The following CFAP161 variants were observed in gnomAD, a reference collection of about 807,000 sequenced individuals.
CFAP161 encodes cilia and flagella associated protein 161.
CFAP161 carries 25 observed loss-of-function variants against 29.0 expected under a neutral mutation model. The observed-to-expected ratio is 0.86, with a 90% confidence interval of 0.63 to 1.20. CFAP161 has a LOEUF of 1.20. Ranked by LOEUF, CFAP161 falls within the 50% of genes most tolerant of loss-of-function variation. The pLI is 0.00. For synonymous variants in CFAP161, 116 were observed against 137.4 expected, an observed-to-expected ratio of 0.84 and a Z score of 1.09; for missense variants, 367 against 371.9, an observed-to-expected ratio of 0.99 and a Z score of 0.11.
intron 1 of CFAP161, among the ~76,000 whole-genome samples, chr15:81,102,307 A>T (rs1214292907): frequency 6.6e-6 from 1 of 152,302 alleles, no homozygotes. Flanking sequence ...GTTCCAGCAC[A>T]AGACCTTTTG....
chr15:81,139,746 C>A (rs1045019234), intron 4 of CFAP161, among the ~76,000 whole-genome samples: 1 of 152,098 alleles, frequency 6.6e-6, no homozygotes, highest in Middle Eastern at 3.4e-3. Context: ...GGAATTCTAC[C>A]TTTAGGATAG....
chr15:81,124,458 T>C (rs888040919), intron 1 of CFAP161, among the ~76,000 whole-genome samples: 2 of 130,808 alleles, frequency 1.5e-5, no homozygotes, highest in African/African-American at 5.4e-5. Flanking sequence ...CCAAGGATAC[T>C]GGCATGAAGT....
At chr15:81,130,879 G>A (rs1894702091), upstream of CFAP161, among the ~76,000 whole-genome samples, 2 of 152,128 alleles carry the variant, frequency 1.3e-5, no homozygotes, top group Admixed American at 1.3e-4. Context: ...GGTAGGTGGA[G>A]CAGTCAGAAC....
At chr15:81,120,611 A>C (rs956095197) in intron 1 of CFAP161, among the ~76,000 whole-genome samples, 2 of 152,170 alleles carry the variant, frequency 1.3e-5, no homozygotes, top group African/African-American at 2.4e-5. Context: ...CCACACACAC[A>C]CACAAGTTAC....
intron 1 of CFAP161, among the ~76,000 whole-genome samples, chr15:81,111,479 C>G (rs1357591808): frequency 1.3e-5 from 2 of 152,228 alleles, no homozygotes; most frequent in African/African-American, 4.8e-5. Flanking sequence ...CTTCCTGACC[C>G]CCTACCCTGG....
At position 81,136,694 on chromosome 15, in the gene CFAP161, T is replaced by C; in HGVS notation, c.338T>C (p.Leu113Pro). Residue 113 changes from leucine (L) to proline (P), a missense_variant, in exon 3 of 7, where the codon CTG becomes CCG. Transcript: ENST00000286732. ...GACGAATTAGAGGTACCCTGTGGCC[T>C]GAGCGCAGTTCAAGCCAAGACCCCA... The part of the protein sequence containing the change: ...LKDELEVPCG[L>P]SAVQAKTPIG... 1 of 1,614,186 alleles carries C rather than the reference T, an allele frequency of 6.2e-7. No individual in the cohort carries two copies. Among genetic ancestry groups the C allele is most frequent in the Non-Finnish European group, 8.5e-7 (1 of 1,180,028 alleles).
rs186722439 is a variant in CFAP161 at position 81,141,471 on chromosome 15, G to A, written c.478-2191G>A. On this transcript the variant is annotated intron_variant, in intron 4 of 6. Transcript: ENST00000286732. Reference sequence around the variant, plus strand: ...CAGTTGATTTTTTTATGTTTTCTGGGAAGACAGTCATTTAATCTTCAAATG... The same window carrying A: ...CAGTTGATTTTTTTATGTTTTCTGGAAAGACAGTCATTTAATCTTCAAATG... Among the ~76,000 whole-genome samples the A allele has an allele frequency of 7.2e-4, 110 of 152,064 alleles. 1 individual carries two copies. Among genetic ancestry groups the A allele is most frequent in the African/African-American group, 2.5e-3 (104 of 41,480 alleles).
In CFAP161 at chr15:81,140,902, A is replaced by G. The variant is rs567030468; in HGVS notation, c.478-2760A>G. Reference sequence around the variant, plus strand: ...GCACCCAGCCCAGTTCTCTATTTTTATTCTAGGACTATAGTGTCTTAATTA... The same window carrying G: ...GCACCCAGCCCAGTTCTCTATTTTTGTTCTAGGACTATAGTGTCTTAATTA... On this transcript the variant is annotated intron_variant, in intron 4 of 6. Coordinates refer to ENST00000286732, the MANE Select transcript of CFAP161 (RefSeq NM_173528.4). Among the ~76,000 whole-genome samples, 67 of 152,142 alleles carry G rather than the reference A, an allele frequency of 4.4e-4. 1 individual carries two copies. Among genetic ancestry groups the G allele is most frequent in the African/African-American group, 1.5e-3 (61 of 41,524 alleles).
chr15:81,113,652 T>C (rs1595909851), intron 1 of CFAP161, among the ~76,000 whole-genome samples: 1 of 152,312 alleles, frequency 6.6e-6, no homozygotes, highest in East Asian at 1.9e-4. Context: ...AAGAGATGCA[T>C]AGGGTAAGGA....
At chr15:81,113,423 C>T (rs1293902323) in intron 1 of CFAP161, among the ~76,000 whole-genome samples, 1 of 152,174 alleles carries the variant, frequency 6.6e-6, no homozygotes, top group East Asian at 1.9e-4. Flanking sequence ...ATTTCACAGG[C>T]TAAAAGCGTT....
chr15:81,129,520 C>T (rs886729925), upstream of CFAP161, among the ~76,000 whole-genome samples: 7 of 152,138 alleles, frequency 4.6e-5, no homozygotes, highest in East Asian at 3.9e-4. Flanking sequence ...TTCACTACCA[C>T]GAGAACAGTA....
chr15:81,140,566 C>CA (rs1894889430), intron 4 of CFAP161, among the ~76,000 whole-genome samples: 1 of 145,010 alleles, frequency 6.9e-6, no homozygotes, highest in Non-Finnish European at 1.5e-5. Flanking sequence ...TTTTTTTTTC[C>CA]TTTTTTTTTT....
chr15:81,111,676 C>T lies in CFAP161; in HGVS notation c.-141-15914C>T, dbSNP rs899475452. Among the ~76,000 whole-genome samples, 5 of 152,210 alleles carry T rather than the reference C, an allele frequency of 3.3e-5. No individual in the cohort carries two copies. The East Asian group carries it at 5.8e-4, about 18-fold the overall frequency. On this transcript the variant is annotated intron_variant, in intron 1 of 4. Transcript: ENST00000560091. ...CCATCATCTCCCCTCTGCCTCTCAT[C>T]ACCCTGTGTCCCTCCTGGCCCTTGC...
intron 1 of CFAP161, among the ~76,000 whole-genome samples, chr15:81,125,014 C>T (rs1894622491): frequency 2.0e-5 from 3 of 151,014 alleles, no homozygotes; most frequent in Admixed American, 2.0e-4. Context: ...TGGAAATGAC[C>T]CAGGCATAGA....
In CFAP161 at chr15:81,115,246, T is replaced by G. The variant is rs150884850; in HGVS notation, c.-141-12344T>G. Among the ~76,000 whole-genome samples the G allele has an allele frequency of 4.4e-3, 663 of 152,326 alleles. 20 individuals are homozygous for G. Among genetic ancestry groups the G allele is most frequent in the Admixed American group, 0.037 (569 of 15,298 alleles). On this transcript the variant is annotated intron_variant, in intron 1 of 4. Coordinates refer to the CFAP161 transcript ENST00000560091. ...TTTAGCATTAGTGACTCCATTTTGA[T>G]TCTGATAACTTTCACATTTCCCGTT...
chr15:81,134,288 A>G lies in CFAP161; in HGVS notation c.-42A>G, dbSNP rs1479579473. On this transcript the variant is annotated 5_prime_UTR_variant, in exon 1 of 7. An upstream start codon of the reference 5' UTR is lost. Transcript: ENST00000286732. ...TCATGGCGACGCGCCACGCTAACGC[A>G]TGGTGTCGGAGGGAGGCCCACTTGC... 4.5e-6 allele frequency: 7 copies of G among 1,560,940 alleles called. No individual in the cohort carries two copies. The highest frequency in any genetic ancestry group is 2.3e-5 in the East Asian group (1 of 42,732).
intron 1 of CFAP161, among the ~76,000 whole-genome samples, chr15:81,099,896 T>C (rs867667133): frequency 6.6e-6 from 1 of 152,306 alleles, no homozygotes; most frequent in Middle Eastern, 3.4e-3. Context: ...CCTCCTCACG[T>C]ATATTTCCAA....
At chr15:81,114,047 T>G (rs1442931008) in intron 1 of CFAP161, among the ~76,000 whole-genome samples, 1 of 152,216 alleles carries the variant, frequency 6.6e-6, no homozygotes, top group African/African-American at 2.4e-5. Context: ...ATATGTTTCT[T>G]ATAATACCAC....
intron 1 of CFAP161, among the ~76,000 whole-genome samples, chr15:81,106,384 A>T (rs1894373141): frequency 6.6e-6 from 1 of 152,140 alleles, no homozygotes. Flanking sequence ...GTTAACCAGG[A>T]TGGTCTCGAT....
Sources: allele counts gnomAD v4.1 joint callset (sites outside exome capture counted in the v4.1 genomes callset), GRCh38; gene constraint gnomAD v4.1.1; transcripts MANE v1.5; gene names NCBI Gene and HGNC (gene_info 2026-07-23, HGNC 2026-07-21).